MAST4: variants seen among roughly 807,000 people sequenced by gnomAD.
MAST4 encodes the protein microtubule associated serine/threonine kinase family member 4, also known as microtubule-associated serine/threonine-protein kinase 4.
Under a neutral mutation model 162.7 loss-of-function variants are expected in MAST4, and 89 were observed. The observed-to-expected ratio is 0.55, with a 90% confidence interval of 0.46 to 0.65. MAST4 has a LOEUF of 0.65. Among genes scored for constraint, MAST4 ranks in the 30% least tolerant of loss-of-function variants. MAST4 has a pLI of 0.00. For synonymous variants in MAST4, 1,479 were observed against 1,361.1 expected (o/e 1.09, Z -1.91); for missense variants, 3,153 against 3,374.0 (o/e 0.93, Z 1.62).
intron 3 of MAST4, among the ~76,000 whole-genome samples, chr5:66,857,105 A>G (rs1174412678): frequency 6.6e-6 from 1 of 152,180 alleles, no homozygotes; most frequent in African/African-American, 2.4e-5. Context: ...AGAAGCAAAC[A>G]CTGTCATAGA....
chr5:66,649,948 T>G lies in MAST4; in HGVS notation c.363+52930T>G, dbSNP rs74775884. Among the ~76,000 whole-genome samples, 1,420 of 152,194 alleles carry G rather than the reference T, an allele frequency of 9.3e-3. 18 individuals carry two copies. The highest frequency in any genetic ancestry group is 0.033 in the African/African-American group (1,357 of 41,540). On this transcript the variant is annotated intron_variant, in intron 1 of 28. Coordinates refer to ENST00000403625, the MANE Select transcript of MAST4 (RefSeq NM_001164664.2). ...AATTTCTCAGTGATTGCCCATTGGC[T>G]TCTCACTTTCAGGGCCTATACCAAT... is the stretch of plus-strand genomic sequence containing the variant.
At chr5:66,820,128 A>G (rs2149730876) in intron 3 of MAST4, among the ~76,000 whole-genome samples, 1 of 152,096 alleles carries the variant, frequency 6.6e-6, no homozygotes, top group Non-Finnish European at 1.5e-5. Context: ...CCACTATGGG[A>G]TTTTTAAATA....
intron 10 of MAST4, among the ~76,000 whole-genome samples, chr5:67,109,353 A>G (rs544993703): frequency 7.2e-5 from 11 of 152,274 alleles, no homozygotes; most frequent in Admixed American, 5.9e-4. Flanking sequence ...TGAGTGCACA[A>G]AGTTCTTCAA....
chr5:66,790,609 A>G (rs972243147), intron 3 of MAST4, among the ~76,000 whole-genome samples: 1 of 152,014 alleles, frequency 6.6e-6, no homozygotes, highest in Non-Finnish European at 1.5e-5. Context: ...CAGTGGCACC[A>G]TCATAGCTCA....
chr5:67,089,237 G>A (rs554481036), intron 5 of MAST4, among the ~76,000 whole-genome samples: 3 of 152,222 alleles, frequency 2.0e-5, no homozygotes, highest in African/African-American at 4.8e-5. Context: ...AGACAATTCC[G>A]CCAATCTAAT....
At chr5:66,779,150 T>C (rs1708662561) in intron 2 of MAST4, among the ~76,000 whole-genome samples, 2 of 152,220 alleles carry the variant, frequency 1.3e-5, no homozygotes, top group South Asian at 2.1e-4. Context: ...CTCTGGTGGA[T>C]TTAAGTCTTG....
At chr5:67,106,971 T>C (rs1031851270) in intron 10 of MAST4, among the ~76,000 whole-genome samples, 4 of 152,232 alleles carry the variant, frequency 2.6e-5, no homozygotes, top group African/African-American at 9.6e-5. Context: ...CTGCTGTTGC[T>C]TTAATCAAAT....
chr5:66,788,607 C>CCCAGCCCAA, intron 2 of MAST4, 63 bp from the exon 3 acceptor site: 1 of 1,373,728 alleles, frequency 7.3e-7, no homozygotes, highest in Non-Finnish European at 1.0e-6. Flanking sequence ...CCCCCACCCC[C>CCCAGCCCAA]ATTGCAATAA....
intron 3 of MAST4, among the ~76,000 whole-genome samples, chr5:66,789,381 G>A (rs1440335082): frequency 6.6e-6 from 1 of 152,100 alleles, no homozygotes; most frequent in Non-Finnish European, 1.5e-5. Context: ...GTCCTTTATA[G>A]AATTTTCCCT....
At chr5:67,118,106 GGTCA>G (rs771168806) in intron 12 of MAST4, among the ~76,000 whole-genome samples, 1 of 152,122 alleles carries the variant, frequency 6.6e-6, no homozygotes, top group African/African-American at 2.4e-5. Context: ...GAAGTTAAAA[GGTCA>G]GTCAGTCAGT....
chr5:67,031,455 G>C (rs553995088), intron 4 of MAST4, among the ~76,000 whole-genome samples: 1 of 148,438 alleles, frequency 6.7e-6, no homozygotes, highest in African/African-American at 2.5e-5. Flanking sequence ...TATCATAATG[G>C]ATGGTGACTA....
intron 2 of MAST4, 63 bp from the exon 3 acceptor site, chr5:66,788,607 C>CCCACCAAAAAAAAAAAAAAA: frequency 4.4e-6 from 6 of 1,373,726 alleles, no homozygotes; most frequent in Non-Finnish European, 6.1e-6. Context: ...CCCCCACCCC[C>CCCACCAAAAAAAAAAAAAAA]ATTGCAATAA....
chr5:67,010,306 G>C (rs1180259908), intron 4 of MAST4, among the ~76,000 whole-genome samples: 1 of 152,186 alleles, frequency 6.6e-6, no homozygotes, highest in African/African-American at 2.4e-5. Context: ...AGCAAGAGCC[G>C]AGATGAGAAC....
chr5:67,047,891 T>C (rs1757571624), intron 4 of MAST4, among the ~76,000 whole-genome samples: 1 of 152,172 alleles, frequency 6.6e-6, no homozygotes, highest in South Asian at 2.1e-4. Flanking sequence ...AGCTACTAGG[T>C]GTGACCTTGT....
intron 1 of MAST4, among the ~76,000 whole-genome samples, chr5:66,741,305 A>G (rs1275723162): frequency 6.6e-6 from 1 of 152,232 alleles, no homozygotes; most frequent in Non-Finnish European, 1.5e-5. Context: ...TACCACCTGA[A>G]GAAAGGAACT....
intron 4 of MAST4, among the ~76,000 whole-genome samples, chr5:67,050,637 A>G (rs1758058443): frequency 6.6e-6 from 1 of 152,194 alleles, no homozygotes; most frequent in Non-Finnish European, 1.5e-5. Flanking sequence ...AATGCTTGTG[A>G]TCATCAGCTC....
rs553340559 is a variant in MAST4, at chr5:66,699,917, T to TA, written c.364-59781dup. Among the ~76,000 whole-genome samples the TA allele has an allele frequency of 7.9e-3, 1,153 of 145,896 alleles. 2 individuals are homozygous for TA. The highest frequency in any genetic ancestry group is 0.032 in the South Asian group (145 of 4,590). On this transcript the variant is annotated intron_variant, in intron 1 of 28. Coordinates refer to ENST00000403625, the MANE Select transcript of MAST4 (RefSeq NM_001164664.2). ...TATTCTGCACATATATCCCGGAACT[T>TA]AAAAAAAAAAACAAACCCCAAACTC...
intron 4 of MAST4, among the ~76,000 whole-genome samples, chr5:66,991,269 G>A (rs1457179412): frequency 2.0e-5 from 3 of 152,030 alleles, no homozygotes; most frequent in Admixed American, 6.5e-5. Context: ...TCATATTTAC[G>A]AAATGCCAAA....
At chr5:66,676,153 G>A (rs890664334) in intron 1 of MAST4, among the ~76,000 whole-genome samples, 2 of 152,190 alleles carry the variant, frequency 1.3e-5, no homozygotes, top group African/African-American at 2.4e-5. Context: ...AAAACAGTGA[G>A]TTGTTACCCT....
Sources: gnomAD v4.1 joint callset for allele counts (sites outside exome capture counted in the v4.1 genomes callset) on GRCh38, gnomAD v4.1.1 for gene constraint, MANE v1.5 for transcripts, NCBI Gene and HGNC (gene_info 2026-07-23, HGNC 2026-07-21) for gene names.